Variants in NUFIP1 observed in about 807,000 individuals in gnomAD.
NUFIP1 encodes the protein FMR1-interacting protein NUFIP1.
A neutral mutation model predicts 56.2 loss-of-function variants in NUFIP1; 38 were observed. That is an observed-to-expected ratio of 0.68 (90% CI 0.52 to 0.89). The LOEUF is 0.89. NUFIP1 is among the 40% of genes least tolerant of loss of function. The pLI, the probability that NUFIP1 is intolerant of heterozygous loss-of-function variation, is 0.00. For missense variants in NUFIP1, 567 were observed against 605.8 expected, an observed-to-expected ratio of 0.94 and a Z score of 0.67; for synonymous variants, 215 against 212.4, an observed-to-expected ratio of 1.01 and a Z score of -0.10.
chr13:44,989,233 G>C lies in NUFIP1; in HGVS notation c.204C>G (p.Pro68=), dbSNP rs752198049. ...CCCCGGGGAGAGACTGGGCCTCCAT[G>C]GGGGGCTGCGACTCAGAGGAAGGCT... is the stretch of plus-strand genomic sequence containing the variant. ...GSKPSSESQP[P]MEAQSLPGAP... Residue 68 remains proline, a synonymous_variant, in exon 1 of 10, where the codon CCC becomes CCG. Coordinates refer to ENST00000379161, the MANE Select transcript of NUFIP1 (RefSeq NM_012345.3). The C allele has an allele frequency of 5.6e-6, 9 of 1,612,358 alleles. No individual in the cohort carries two copies. The East Asian group carries it at 2.0e-4, about 36-fold the overall frequency.
Position 44,989,260 on chromosome 13 carries a change from T to C in NUFIP1, c.177A>G (p.Ser59=), listed in dbSNP as rs937131310. The C allele has an allele frequency of 6.8e-6, 11 of 1,613,332 alleles. No individual in the cohort carries two copies. The highest frequency in any genetic ancestry group is 3.3e-5 in the South Asian group (3 of 90,944). Residue 59 remains serine (S), a synonymous_variant, in exon 1 of 10, where the codon TCA becomes TCG. Coordinates refer to ENST00000379161, the MANE Select transcript of NUFIP1 (RefSeq NM_012345.3). ...PLTSSLPAAG[S]KPSSESQPPM... ...GGGGCTGCGACTCAGAGGAAGGCTTTGACCCGGCTGCGGGAAGCGAGGACG... is the reference window on the plus strand; with the variant it reads ...GGGGCTGCGACTCAGAGGAAGGCTTCGACCCGGCTGCGGGAAGCGAGGACG...
chr13:44,945,434 A>G (rs1303440124), intron 8 of NUFIP1, among the ~76,000 whole-genome samples: 1 of 152,048 alleles, frequency 6.6e-6, no homozygotes, highest in Non-Finnish European at 1.5e-5. Context: ...ACAAGAAACA[A>G]AAAGAAAAAC....
rs572321020 is a variant in NUFIP1, at chr13:44,939,357, T to C, written c.*1849A>G. The C allele has an allele frequency of 3.3e-5, 5 of 152,228 alleles. No individual in the cohort carries two copies. The highest frequency in any genetic ancestry group is 1.2e-4 in the African/African-American group (5 of 41,550). The allele number at this position is 152,228 out of a possible 1,614,324, so 9.4% of individuals were successfully genotyped here. ...CAATTATAGAGGATATGAGAAAAAG[T>C]AAAGTATTTCAGTTATAAAAGGCAC... is the stretch of plus-strand genomic sequence containing the variant. On this transcript the variant is annotated 3_prime_UTR_variant, in exon 10 of 10. Coordinates refer to ENST00000379161, the MANE Select transcript of NUFIP1 (RefSeq NM_012345.3).
At chr13:44,968,283 TAAG>T (rs1193448557) in intron 5 of NUFIP1, among the ~76,000 whole-genome samples, 2 of 151,982 alleles carry the variant, frequency 1.3e-5, no homozygotes, top group Non-Finnish European at 2.9e-5. Context: ...TCTAAGGTTA[TAAG>T]AAGTAGACTC....
At chr13:44,969,893 A>G (rs1331188098) in intron 5 of NUFIP1, among the ~76,000 whole-genome samples, 1 of 152,194 alleles carries the variant, frequency 6.6e-6, no homozygotes, top group African/African-American at 2.4e-5. Context: ...ATTAAACCAC[A>G]ACTGCTTCCA....
rs1870669747 is a variant in NUFIP1 at position 44,939,825 on chromosome 13, G to A, written c.*1381C>T. 1 of 152,140 alleles carries A rather than the reference G, an allele frequency of 6.6e-6. No individual in the cohort carries two copies. Among genetic ancestry groups the A allele is most frequent in the Non-Finnish European group, 1.5e-5 (1 of 68,024 alleles). The allele number at this position is 152,140 out of a possible 1,614,324, so 9.4% of individuals were successfully genotyped here. On this transcript the variant is annotated 3_prime_UTR_variant, in exon 10 of 10. Transcript: ENST00000379161. ...TGTGGGGATCAACAACATCCCTGGAGATATGGTCATCAATGAAAGTAGTCC... is the reference window on the plus strand; with the variant it reads ...TGTGGGGATCAACAACATCCCTGGAAATATGGTCATCAATGAAAGTAGTCC...
chr13:44,943,040 T>C (rs908623068), intron 9 of NUFIP1, among the ~76,000 whole-genome samples: 2 of 151,904 alleles, frequency 1.3e-5, no homozygotes, highest in African/African-American at 2.4e-5. Flanking sequence ...CAAATGAGAA[T>C]TGTCAGAAAA....
Position 44,959,515 on chromosome 13 carries a change from T to G in NUFIP1, c.887A>C (p.Asn296Thr). ...QMAKIRSPGK[N>T]HKWKNDNSRQ... is the part of the protein sequence containing the mutation. ...AGAATTGTCGTTTTTCCATTTGTGA[T>G]TCTTGCCAGGACTTCTGATCTTTGC... The change falls in exon 7 of 10, where the codon AAT (asparagine) becomes ACT (threonine). Residue 296 changes from asparagine to threonine, a missense_variant. Asn to Thr is a moderately conservative substitution (Grantham distance 65). Coordinates refer to ENST00000379161, the MANE Select transcript of NUFIP1 (RefSeq NM_012345.3). 3 of 1,614,154 alleles carry G rather than the reference T, an allele frequency of 1.9e-6. No homozygotes were observed. Among genetic ancestry groups the G allele is most frequent in the Non-Finnish European group, 2.5e-6 (3 of 1,180,032 alleles).
At chr13:44,984,337 T>C (rs928231652) in intron 1 of NUFIP1, among the ~76,000 whole-genome samples, 1 of 152,220 alleles carries the variant, frequency 6.6e-6, no homozygotes, top group Non-Finnish European at 1.5e-5. Context: ...GCATCTGCCA[T>C]ACAATAAACA....
At chr13:44,943,109 CT>C (rs1405892801) in intron 9 of NUFIP1, among the ~76,000 whole-genome samples, 3 of 151,982 alleles carry the variant, frequency 2.0e-5, no homozygotes, top group African/African-American at 7.3e-5. Flanking sequence ...TACTAAAAAT[CT>C]TTTTTTCCCT....
Position 44,982,064 on chromosome 13 carries a change from T to C in NUFIP1, c.495+8A>G, listed in dbSNP as rs540875926. On this transcript the variant is annotated splice_region_variant and intron_variant, in intron 2 of 9. Coordinates refer to ENST00000379161, the MANE Select transcript of NUFIP1 (RefSeq NM_012345.3). Reference sequence around the variant, plus strand: ...AAGGGGTCAAATTCAAGAACATCTTTCAAATACCTTTTTTTTCTGTTTTCT... The same window carrying C: ...AAGGGGTCAAATTCAAGAACATCTTCCAAATACCTTTTTTTTCTGTTTTCT... 1.0e-5 allele frequency: 15 copies of C among 1,466,476 alleles called. No homozygotes were observed. In the African/African-American group the frequency reaches 2.1e-4, roughly 21 times the overall value. The allele number at this position is 1,466,476 out of a possible 1,614,324, so 90.8% of individuals were successfully genotyped here. A position where few individuals can be genotyped will look rare whatever the true frequency, so the allele number is the denominator to read the frequency against.
chr13:44,944,776 T>C (rs972883218), intron 8 of NUFIP1, among the ~76,000 whole-genome samples: 1 of 151,982 alleles, frequency 6.6e-6, no homozygotes, highest in African/African-American at 2.4e-5. Context: ...CCCAAATATT[T>C]AGAAACTAAA....
At chr13:44,963,830 A>T (rs1871505321) in intron 6 of NUFIP1, among the ~76,000 whole-genome samples, 1 of 152,224 alleles carries the variant, frequency 6.6e-6, no homozygotes, top group Non-Finnish European at 1.5e-5. Context: ...TACATATTTT[A>T]AAGCTATGTT....
chr13:44,947,420 G>A (rs1870937428), intron 8 of NUFIP1, among the ~76,000 whole-genome samples: 1 of 151,848 alleles, frequency 6.6e-6, no homozygotes, highest in Non-Finnish European at 1.5e-5. Flanking sequence ...TGTATTTTTA[G>A]TAGAGATGGG....
At chr13:44,985,834 A>G (rs962304173) in intron 1 of NUFIP1, among the ~76,000 whole-genome samples, 6 of 152,204 alleles carry the variant, frequency 3.9e-5, no homozygotes, top group Non-Finnish European at 8.8e-5. Context: ...GTTCAAGCAA[A>G]AGGAAGAGTC....
At chr13:44,942,831 T>TA (rs900099704) in intron 9 of NUFIP1, among the ~76,000 whole-genome samples, 6 of 151,982 alleles carry the variant, frequency 3.9e-5, no homozygotes, top group African/African-American at 1.4e-4. Flanking sequence ...ATTAGCATGG[T>TA]AGTGCATGCC....
intron 1 of NUFIP1, among the ~76,000 whole-genome samples, chr13:44,985,177 G>C (rs1872339077): frequency 6.6e-6 from 1 of 152,184 alleles, no homozygotes; most frequent in Non-Finnish European, 1.5e-5. Flanking sequence ...AATCTCCCCT[G>C]AAAGTAGACT....
chr13:44,958,556 G>GT (rs1430349085), intron 7 of NUFIP1, among the ~76,000 whole-genome samples: 2 of 151,918 alleles, frequency 1.3e-5, no homozygotes, highest in East Asian at 3.9e-4. Context: ...CTTGCCACTC[G>GT]TAAGTTCAAA....
chr13:44,950,394 G>A (rs2137895361), intron 7 of NUFIP1, among the ~76,000 whole-genome samples: 1 of 152,316 alleles, frequency 6.6e-6, no homozygotes, highest in Non-Finnish European at 1.5e-5. Context: ...CACACAGGCT[G>A]AAGTGCAGTG....
Sources: allele counts gnomAD v4.1 joint callset (sites outside exome capture counted in the v4.1 genomes callset), GRCh38; gene constraint gnomAD v4.1.1; transcripts MANE v1.5; gene names NCBI Gene and HGNC (gene_info 2026-07-23, HGNC 2026-07-21).